Variants in ZBTB20 observed in about 807,000 individuals in gnomAD.
The protein encoded by ZBTB20 is zinc finger and BTB domain containing 20, also known as zinc finger and BTB domain-containing protein 20.
Under a neutral mutation model 56.9 loss-of-function variants are expected in ZBTB20, and 9 were observed. That is an observed-to-expected ratio of 0.16 (90% CI 0.10 to 0.28). The LOEUF (loss-of-function observed/expected upper bound fraction) is 0.28, where lower values mean the gene tolerates loss of function less well. Ranked by LOEUF, ZBTB20 falls within the 10% of genes least tolerant of loss-of-function variation. The pLI, the probability that ZBTB20 is intolerant of heterozygous loss-of-function variation, is 1.00. For synonymous variants in ZBTB20, 417 were observed against 420.7 expected, an observed-to-expected ratio of 0.99 and a Z score of 0.11; for missense variants, 655 against 1,003.0, an observed-to-expected ratio of 0.65 and a Z score of 4.69.
rs141172293 is a variant in ZBTB20, at chr3:114,748,166, G to A, written c.-343+52935C>T. On this transcript the variant is annotated intron_variant, in intron 5 of 11. Transcript: ENST00000675478. Reference sequence around the variant, plus strand: ...GGTGAACATGGGAGATACTGCCCAGGAAAAGTGCTCATGATGAGTAATTCA... The same window carrying A: ...GGTGAACATGGGAGATACTGCCCAGAAAAAGTGCTCATGATGAGTAATTCA... Among the ~76,000 whole-genome samples, 924 of 152,178 alleles carry A rather than the reference G, an allele frequency of 6.1e-3. 8 individuals are homozygous for A. Among genetic ancestry groups the A allele is most frequent in the Middle Eastern group, 0.024 (7 of 294 alleles).
chr3:114,830,802 C>T (rs1232892593), intron 4 of ZBTB20, among the ~76,000 whole-genome samples: 3 of 151,956 alleles, frequency 2.0e-5, no homozygotes, highest in Non-Finnish European at 2.9e-5. Context: ...AATTTAATGA[C>T]GTCTCTTACC....
intron 6 of ZBTB20, among the ~76,000 whole-genome samples, chr3:114,604,177 T>C (rs765330489): frequency 6.6e-6 from 1 of 152,010 alleles, no homozygotes; most frequent in Non-Finnish European, 1.5e-5. Flanking sequence ...ATTTATATAA[T>C]GGAATACTGC....
chr3:114,908,414 C>A (rs1432996096), intron 3 of ZBTB20, among the ~76,000 whole-genome samples: 2 of 151,964 alleles, frequency 1.3e-5, no homozygotes, highest in Non-Finnish European at 2.9e-5. Context: ...TCAGTAATAA[C>A]CTGAGAAATT....
intron 3 of ZBTB20, among the ~76,000 whole-genome samples, chr3:114,900,916 C>T (rs775164137): frequency 1.3e-5 from 2 of 152,102 alleles, no homozygotes; most frequent in Non-Finnish European, 2.9e-5. Flanking sequence ...AACACCACGT[C>T]GGATATAATG....
intron 4 of ZBTB20, among the ~76,000 whole-genome samples, chr3:114,808,540 T>C (rs2072285791): frequency 6.6e-6 from 1 of 151,988 alleles, no homozygotes; most frequent in African/African-American, 2.4e-5. Context: ...TGATTCCTCA[T>C]TTTGGTAATC....
At chr3:114,501,805 T>C (rs1326705893) in intron 6 of ZBTB20, among the ~76,000 whole-genome samples, 1 of 147,396 alleles carries the variant, frequency 6.8e-6, no homozygotes, top group Non-Finnish European at 1.5e-5. Flanking sequence ...GCCTCCTGAG[T>C]TTAAGCGATT....
chr3:115,018,615 C>A (rs1308425567), intron 2 of ZBTB20, among the ~76,000 whole-genome samples: 2 of 151,154 alleles, frequency 1.3e-5, no homozygotes, highest in Non-Finnish European at 3.0e-5. Flanking sequence ...AAATGATGAT[C>A]GCATTTGTGA....
intron 6 of ZBTB20, among the ~76,000 whole-genome samples, chr3:114,664,786 GA>G: frequency 6.6e-6 from 1 of 152,154 alleles, no homozygotes; most frequent in South Asian, 2.1e-4. Context: ...AAGGCTTAGA[GA>G]AAGTTAAAGG....
chr3:114,473,684 T>C (rs544392283), intron 7 of ZBTB20, among the ~76,000 whole-genome samples: 2 of 152,190 alleles, frequency 1.3e-5, no homozygotes, highest in African/African-American at 4.8e-5. Context: ...AAAAAGTAAG[T>C]AGAAAATACA....
At chr3:114,925,526 T>C (rs1482547445) in intron 3 of ZBTB20, among the ~76,000 whole-genome samples, 3 of 152,052 alleles carry the variant, frequency 2.0e-5, no homozygotes, top group African/African-American at 7.2e-5. Flanking sequence ...TGGTTGTTTG[T>C]TTTTGTTTTG....
intron 4 of ZBTB20, among the ~76,000 whole-genome samples, chr3:114,830,540 C>G (rs887589849): frequency 2.0e-5 from 3 of 151,424 alleles, no homozygotes; most frequent in Non-Finnish European, 4.4e-5. Context: ...TTTAATATAC[C>G]CTGAGCACTT....
intron 6 of ZBTB20, among the ~76,000 whole-genome samples, chr3:114,564,650 G>A (rs1206887748): frequency 6.6e-6 from 1 of 152,070 alleles, no homozygotes; most frequent in African/African-American, 2.4e-5. Context: ...TGTCCTTTTT[G>A]AGCATTCATA....
chr3:114,585,517 T>C (rs1000819814), intron 6 of ZBTB20, among the ~76,000 whole-genome samples: 5 of 152,204 alleles, frequency 3.3e-5, no homozygotes, highest in Non-Finnish European at 7.4e-5. Context: ...AAGAAATCTA[T>C]TTCTGTGCAG....
chr3:114,857,865 T>G (rs1408673168), intron 4 of ZBTB20, among the ~76,000 whole-genome samples: 3 of 152,244 alleles, frequency 2.0e-5, no homozygotes, highest in Non-Finnish European at 4.4e-5. Context: ...AACTTGTGCT[T>G]CTGACAATCA....
intron 2 of ZBTB20, among the ~76,000 whole-genome samples, chr3:114,995,444 TA>T (rs1191859766): frequency 6.6e-6 from 1 of 151,876 alleles, no homozygotes; most frequent in African/African-American, 2.4e-5. Context: ...TGGTTACTGT[TA>T]GACCTGCTTT....
chr3:114,632,533 C>T (rs532007403), intron 6 of ZBTB20, among the ~76,000 whole-genome samples: 1 of 152,222 alleles, frequency 6.6e-6, no homozygotes, highest in South Asian at 2.1e-4. Context: ...AGCAACATGC[C>T]TTTTTAATCA....
intron 2 of ZBTB20, among the ~76,000 whole-genome samples, chr3:115,001,502 C>T (rs978112529): frequency 6.7e-6 from 1 of 149,130 alleles, no homozygotes. Flanking sequence ...AAGCAAAGAG[C>T]AATTTAATAT....
At chr3:114,464,261 A>T (rs2092449191) in intron 7 of ZBTB20, among the ~76,000 whole-genome samples, 2 of 152,152 alleles carry the variant, frequency 1.3e-5, no homozygotes, top group Admixed American at 6.5e-5. Flanking sequence ...TGTGATTCTT[A>T]ATTTTTTTAA....
At chr3:114,869,448 G>T (rs76513171) in intron 4 of ZBTB20, among the ~76,000 whole-genome samples, 6,223 of 151,958 alleles carry the variant, frequency 0.041, 353 homozygotes, top group African/African-American at 0.12. Context: ...GGTACATTTT[G>T]CTCTTCAGAG....
Sources: allele counts gnomAD v4.1 joint callset (sites outside exome capture counted in the v4.1 genomes callset), GRCh38; gene constraint gnomAD v4.1.1; transcripts MANE v1.5; gene names NCBI Gene and HGNC (gene_info 2026-07-23, HGNC 2026-07-21).